KIF20B: variants seen among roughly 807,000 people sequenced by gnomAD.
The protein encoded by KIF20B is kinesin-like protein KIF20B.
Under a neutral mutation model 232.5 loss-of-function variants are expected in KIF20B, and 188 were observed. The observed-to-expected ratio is 0.81, with a 90% confidence interval of 0.72 to 0.91. KIF20B has a LOEUF of 0.91. KIF20B is among the 40% of genes least tolerant of loss of function. The pLI is 0.00. For synonymous variants in KIF20B, 712 were observed against 683.0 expected (o/e 1.04, Z -0.66); for missense variants, 2,154 against 2,055.9 (o/e 1.05, Z -0.92).
At chr10:89,765,787 T>C (rs12256229) in intron 29 of KIF20B, among the ~76,000 whole-genome samples, 46,747 of 151,644 alleles carry the variant, frequency 0.31, 8,058 homozygotes, top group African/African-American at 0.46. Context: ...ATATGAAATT[T>C]TGGGTTGAAA....
At chr10:89,755,491 T>G (rs1334159234) in intron 26 of KIF20B, among the ~76,000 whole-genome samples, 1 of 132,340 alleles carries the variant, frequency 7.6e-6, no homozygotes, top group Non-Finnish European at 1.6e-5. Context: ...TCCTTTTTCC[T>G]TTCCTTCTTC....
intron 1 of KIF20B, among the ~76,000 whole-genome samples, chr10:89,702,078 A>G (rs543668682): frequency 6.6e-6 from 1 of 152,328 alleles, no homozygotes; most frequent in East Asian, 1.9e-4. Context: ...AAATGTTTGC[A>G]GTTATTAATA....
intron 26 of KIF20B, 83 bp from the exon 27 acceptor site, chr10:89,758,621 GGT>G: frequency 2.4e-6 from 2 of 843,078 alleles, no homozygotes; most frequent in South Asian, 6.6e-5. Context: ...CTATATTTAT[GGT>G]GTTACATATA....
intron 23 of KIF20B, among the ~76,000 whole-genome samples, chr10:89,747,666 C>T (rs890007199): frequency 3.3e-5 from 5 of 149,714 alleles, no homozygotes; most frequent in East Asian, 2.0e-4. Context: ...TGTTCTCACT[C>T]GTAGGTGGGA....
chr10:89,749,102 G>C (rs1447869751), intron 23 of KIF20B, among the ~76,000 whole-genome samples: 1 of 152,002 alleles, frequency 6.6e-6, no homozygotes, highest in African/African-American at 2.4e-5. Flanking sequence ...GATCTATTCT[G>C]TACTAGTTAC....
chr10:89,763,541 T>G (rs1024955996), intron 29 of KIF20B, among the ~76,000 whole-genome samples: 2 of 152,162 alleles, frequency 1.3e-5, no homozygotes, highest in African/African-American at 2.4e-5. Context: ...AACTAAAATC[T>G]TGTCTGTATG....
At chr10:89,752,781 A>G in intron 25 of KIF20B, 90 bp downstream of exon 25, 1 of 905,638 alleles carries the variant, frequency 1.1e-6, no homozygotes, top group Admixed American at 3.5e-5. Context: ...ATATTTAGTA[A>G]TTCACTTAGA....
rs114658976 is a variant in KIF20B, at chr10:89,711,782, C to T, written c.675+637C>T. Among the ~76,000 whole-genome samples the T allele has an allele frequency of 3.0e-3, 456 of 151,920 alleles. 3 individuals carry two copies. Among genetic ancestry groups the T allele is most frequent in the African/African-American group, 0.01 (426 of 41,450 alleles). On this transcript the variant is annotated intron_variant, in intron 6 of 32. Coordinates refer to ENST00000371728, the MANE Select transcript of KIF20B (RefSeq NM_001284259.2). ...ATCTCTTCCTACCTTAAATCATGTG[C>T]GTTTTATCTGTTATGTCTTTAACTT...
intron 2 of KIF20B, among the ~76,000 whole-genome samples, chr10:89,708,376 T>C (rs2133081831): frequency 6.6e-6 from 1 of 152,274 alleles, no homozygotes; most frequent in Admixed American, 6.5e-5. Context: ...CATGCCTGGC[T>C]AATTTTGTAT....
intron 29 of KIF20B, chr10:89,766,403 C>T (rs1219140133): frequency 1.3e-5 from 2 of 152,356 alleles, no homozygotes; most frequent in Admixed American, 1.3e-4. Flanking sequence ...GAAATTCAAA[C>T]CAAAGGCAAA....
intron 8 of KIF20B, among the ~76,000 whole-genome samples, chr10:89,715,992 AAAAT>A (rs372772817): frequency 4.4e-4 from 66 of 149,060 alleles, no homozygotes; most frequent in Admixed American, 2.2e-3. Context: ...CCTTGTCTCC[AAAAT>A]AAATAAATAA....
intron 21 of KIF20B, among the ~76,000 whole-genome samples, chr10:89,742,057 G>GA (rs528516487): frequency 6.6e-6 from 1 of 151,574 alleles, no homozygotes; most frequent in Non-Finnish European, 1.5e-5. Context: ...AATAAATAAA[G>GA]AAAAAAAATT....
chr10:89,772,325 C>T (rs1014495702), intron 31 of KIF20B, among the ~76,000 whole-genome samples: 10 of 152,080 alleles, frequency 6.6e-5, no homozygotes, highest in Admixed American at 6.6e-4. Flanking sequence ...GATCATCTAC[C>T]ACCTTATTTT....
In KIF20B at chr10:89,715,101, T is replaced by C; in HGVS notation, c.859T>C (p.Phe287Leu). ...EIYNEYIYDL[F>L]VPVSSKFQKR... is the part of the protein sequence containing the mutation. The stretch of plus-strand genomic sequence containing the variant: ...TTACAATGAATATATTTATGACTTA[T>C]TTGTTCCTGTATCATCTAAATTCCA... Residue 287 changes from phenylalanine (F) to leucine (L), a missense_variant, in exon 8 of 33, where the codon TTT becomes CTT. Coordinates refer to ENST00000371728, the MANE Select transcript of KIF20B (RefSeq NM_001284259.2). 8 of 1,609,436 alleles carry C rather than the reference T, an allele frequency of 5.0e-6. No individual in the cohort carries two copies. The highest frequency in any genetic ancestry group is 5.9e-6 in the Non-Finnish European group (7 of 1,177,742).
chr10:89,721,365 G>A (rs116742761), intron 13 of KIF20B, among the ~76,000 whole-genome samples: 1 of 152,094 alleles, frequency 6.6e-6, no homozygotes, highest in African/African-American at 2.4e-5. Context: ...CCTCAGTGAC[G>A]AAAGGAGCCT....
chr10:89,737,476 G>A lies in KIF20B; in HGVS notation c.2635G>A (p.Val879Ile), dbSNP rs762711597. The change falls in exon 20 of 33, where the codon GTT (valine) becomes ATT (isoleucine). Residue 879 changes from valine to isoleucine, a missense_variant. Coordinates refer to ENST00000371728, the MANE Select transcript of KIF20B (RefSeq NM_001284259.2). Reference protein sequence around the residue: ...PNIAEIEDIRVLQENNEGLRA... With the variant: ...PNIAEIEDIRILQENNEGLRA... Reference sequence around the variant, plus strand: ...CATTGCAGAAATTGAAGACATCAGAGTTTTACAAGAAAATAATGAAGGACT... The same window carrying A: ...CATTGCAGAAATTGAAGACATCAGAATTTTACAAGAAAATAATGAAGGACT... 1.2e-6 allele frequency: 2 copies of A among 1,609,174 alleles called. No homozygotes were observed. Among genetic ancestry groups the A allele is most frequent in the Non-Finnish European group, 1.7e-6 (2 of 1,178,556 alleles).
At position 89,772,719 on chromosome 10, in the gene KIF20B, C is replaced by T; in HGVS notation, c.5273C>T (p.Ser1758Leu). ...AKKIIETMSS[S>L]KLSNVEASKE... ...AAGATAATTGAAACAATGAGCTCTTCAAAGCTCTCAAATGTAGAAGCAAGT... is the reference window on the plus strand; with the variant it reads ...AAGATAATTGAAACAATGAGCTCTTTAAAGCTCTCAAATGTAGAAGCAAGT... Residue 1758 changes from serine (S) to leucine (L), a missense_variant, in exon 32 of 33, where the codon TCA becomes TTA. By Grantham distance (145) the Ser-to-Leu change is moderately radical. Transcript: ENST00000371728. The T allele has an allele frequency of 1.2e-6, 2 of 1,601,068 alleles. No homozygotes were observed. The highest frequency in any genetic ancestry group is 1.7e-6 in the Non-Finnish European group (2 of 1,170,966).
chr10:89,729,377 T>G, intron 18 of KIF20B, 130 bp downstream of exon 18: 1 of 937,476 alleles, frequency 1.1e-6, no homozygotes, highest in South Asian at 1.9e-5. Context: ...TATGCAACAT[T>G]GAACTCAATT....
chr10:89,719,393 A>G (rs1843001523), intron 12 of KIF20B, 26 bp from the exon 13 acceptor site: 3 of 1,491,534 alleles, frequency 2.0e-6, no homozygotes, highest in Non-Finnish European at 2.7e-6. Flanking sequence ...TTTCTGTTTT[A>G]AAAGTCACAT....
Sources: gnomAD v4.1 joint callset for allele counts (sites outside exome capture counted in the v4.1 genomes callset) on GRCh38, gnomAD v4.1.1 for gene constraint, MANE v1.5 for transcripts, NCBI Gene and HGNC (gene_info 2026-07-23, HGNC 2026-07-21) for gene names.